REPS2: variants seen among roughly 807,000 people sequenced by gnomAD.
REPS2 encodes the protein ralBP1-associated Eps domain-containing protein 2.
Under a neutral mutation model 53.6 loss-of-function variants are expected in REPS2, and 23 were observed. The ratio of observed to expected loss-of-function variants is 0.43; its 90% CI spans 0.31 to 0.61. REPS2 has a LOEUF of 0.61. Ranked by LOEUF, REPS2 falls within the 20% of genes least tolerant of loss-of-function variation. The pLI is 0.11. For missense variants in REPS2, 446 were observed against 534.9 expected (o/e 0.83, Z 1.64); for synonymous variants, 238 against 218.6 (o/e 1.09, Z -0.78).
chrX:17,157,672 A>G (rs2063624684), downstream of REPS2, among the ~76,000 whole-genome samples: 1 of 111,981 alleles, frequency 8.9e-6, no homozygotes, highest in Non-Finnish European at 1.9e-5. Context: ...CAAAATGTCA[A>G]TAGTGCTAAG....
chrX:17,173,584 C>G, the REPS2 span, among the ~76,000 whole-genome samples: 1 of 112,340 alleles, frequency 8.9e-6, no homozygotes, highest in Non-Finnish European at 1.9e-5. Context: ...TGCTCACACT[C>G]CACAAGTGGA....
At chrX:17,043,439 C>G (rs1309925251) in intron 5 of REPS2, among the ~76,000 whole-genome samples, 1 of 110,740 alleles carries the variant, frequency 9.0e-6, no homozygotes, top group Non-Finnish European at 1.9e-5. Flanking sequence ...GTTAACAGGC[C>G]TTGCCCTGGT....
At chrX:17,010,653 A>G (rs1041207586) in intron 2 of REPS2, among the ~76,000 whole-genome samples, 20 of 111,704 alleles carry the variant, frequency 1.8e-4, no homozygotes, top group African/African-American at 6.2e-4. Context: ...ATTGTGGGGC[A>G]TTATAGGCAC....
At chrX:17,103,656 A>G in intron 13 of REPS2, 62 bp from the exon 14 acceptor site, 1 of 1,060,331 alleles carries the variant, frequency 9.4e-7, no homozygotes. Flanking sequence ...TAACAAGCAT[A>G]AGAGTTTTTT....
intron 8 of REPS2, among the ~76,000 whole-genome samples, chrX:17,059,013 C>CT (rs1179244167): frequency 4.3e-3 from 416 of 96,796 alleles, no homozygotes; most frequent in East Asian, 6.6e-3. Context: ...TTCTTTCTTT[C>CT]TTTTTTTTTT....
At chrX:17,158,671 G>A in the REPS2 span, among the ~76,000 whole-genome samples, 1 of 112,002 alleles carries the variant, frequency 8.9e-6, no homozygotes, top group African/African-American at 3.2e-5. Flanking sequence ...AAGAACAGTA[G>A]AACTTATTTG....
intron 10 of REPS2, among the ~76,000 whole-genome samples, chrX:17,069,307 T>A (rs1012449388): frequency 7.1e-5 from 8 of 112,287 alleles, no homozygotes; most frequent in Non-Finnish European, 1.5e-4. Context: ...GATATTGATT[T>A]ACTACCCATG....
chrX:17,007,714 G>A (rs892340553), intron 2 of REPS2, among the ~76,000 whole-genome samples: 1 of 112,321 alleles, frequency 8.9e-6, no homozygotes, highest in African/African-American at 3.2e-5. Context: ...GAGCAGGTGG[G>A]AGAACACAAT....
At chrX:16,973,150 T>A (rs2060915123) in intron 1 of REPS2, among the ~76,000 whole-genome samples, 1 of 112,195 alleles carries the variant, frequency 8.9e-6, no homozygotes, top group African/African-American at 3.2e-5. Flanking sequence ...TTGTTCATTT[T>A]TGGCAAGAAT....
chrX:17,017,928 T>C (rs776843813), intron 2 of REPS2, among the ~76,000 whole-genome samples: 26 of 112,397 alleles, frequency 2.3e-4, no homozygotes, highest in South Asian at 1.5e-3. Flanking sequence ...TTAATAGTTT[T>C]TAATGTTGAT....
At chrX:17,078,072 TCCTAAGGAA>T (rs1468996280) in intron 13 of REPS2, among the ~76,000 whole-genome samples, 1 of 112,267 alleles carries the variant, frequency 8.9e-6, no homozygotes, top group African/African-American at 3.2e-5. Context: ...GAAGATACCC[TCCTAAGGAA>T]CCTAAGGAAT....
At position 16,946,870 on chromosome X, in the gene REPS2, GGCA is replaced by G; in HGVS notation, c.12_14del (p.Ala17del). 3.9e-6 allele frequency: 3 copies of G among 766,629 alleles called. No homozygotes were observed. The highest frequency in any genetic ancestry group is 4.6e-6 in the Non-Finnish European group (3 of 650,042). 63.2% of individuals were successfully genotyped at this position (766,629 alleles called of 1,213,427 possible). A position where few individuals can be genotyped will look rare whatever the true frequency, so the allele number is the denominator to read the frequency against. ...GCCCCCTTGCTGGCCCCATGGAGGC[GGCA>G]GCGGCGGCGGCGGCGGCGGCAGCGG... On this transcript the variant is annotated inframe_deletion, in exon 1 of 18. Coordinates refer to ENST00000357277, the MANE Select transcript of REPS2 (RefSeq NM_004726.3).
At chrX:17,165,806 T>C in the REPS2 span, among the ~76,000 whole-genome samples, 1 of 111,047 alleles carries the variant, frequency 9.0e-6, no homozygotes, top group Non-Finnish European at 1.9e-5. Context: ...TGTTTGCTCA[T>C]GGTGGTGAGA....
chrX:16,990,444 T>C (rs924130167), intron 1 of REPS2, among the ~76,000 whole-genome samples: 1 of 110,250 alleles, frequency 9.1e-6, no homozygotes, highest in Non-Finnish European at 1.9e-5. Flanking sequence ...ACCCTGTTTT[T>C]ACTAAAAATA....
chrX:16,981,733 G>GA (rs2061021188), intron 1 of REPS2, among the ~76,000 whole-genome samples: 1 of 111,085 alleles, frequency 9.0e-6, no homozygotes, highest in Admixed American at 9.6e-5. Flanking sequence ...CAGTGATCTG[G>GA]AAAAAAAAGG....
the REPS2 span, among the ~76,000 whole-genome samples, chrX:17,164,389 G>A: frequency 8.1e-5 from 9 of 111,684 alleles, no homozygotes; most frequent in Non-Finnish European, 1.7e-4. Flanking sequence ...GAAAGCAAAA[G>A]GACAGAAAAA....
At chrX:17,123,690 G>A (rs903289679) in intron 14 of REPS2, among the ~76,000 whole-genome samples, 5 of 112,537 alleles carry the variant, frequency 4.4e-5, no homozygotes, top group African/African-American at 1.3e-4. Context: ...TAAAGCAGCC[G>A]TGAAACATGA....
At chrX:17,018,623 G>A (rs1602692739) in intron 2 of REPS2, among the ~76,000 whole-genome samples, 1 of 102,876 alleles carries the variant, frequency 9.7e-6, no homozygotes, top group East Asian at 3.0e-4. Context: ...TTTTTAATGT[G>A]GCTCACATTC....
chrX:17,122,261 A>G (rs2063151235), intron 14 of REPS2, among the ~76,000 whole-genome samples: 1 of 111,650 alleles, frequency 9.0e-6, no homozygotes, highest in Non-Finnish European at 1.9e-5. Context: ...TTCTAACAGC[A>G]TAAATTAGTT....
Sources: gnomAD v4.1 joint callset for allele counts (sites outside exome capture counted in the v4.1 genomes callset) on GRCh38, gnomAD v4.1.1 for gene constraint, MANE v1.5 for transcripts, NCBI Gene and HGNC (gene_info 2026-07-23, HGNC 2026-07-21) for gene names.